Variants in LRIF1 observed in about 807,000 individuals in gnomAD.
The protein encoded by LRIF1 is ligand-dependent nuclear receptor-interacting factor 1.
LRIF1 carries 32 observed loss-of-function variants against 52.7 expected under a neutral mutation model. The ratio of observed to expected loss-of-function variants is 0.61; its 90% CI spans 0.46 to 0.82. LRIF1 has a LOEUF of 0.82. LRIF1 is among the 40% of genes least tolerant of loss of function. LRIF1 has a pLI of 0.00. For synonymous variants in LRIF1, 323 were observed against 317.4 expected (o/e 1.02, Z -0.19); for missense variants, 887 against 892.0 (o/e 0.99, Z 0.07).
At chr1:110,883,198 A>G in the LRIF1 span, among the ~76,000 whole-genome samples, 101 of 152,104 alleles carry the variant, frequency 6.6e-4, no homozygotes, top group Non-Finnish European at 1.3e-3. Context: ...TATGCCCTTC[A>G]TAAATGCCTT....
intron 1 of LRIF1, among the ~76,000 whole-genome samples, chr1:110,960,703 C>T (rs1026138360): frequency 6.6e-6 from 1 of 152,166 alleles, no homozygotes; most frequent in Non-Finnish European, 1.5e-5. Context: ...AGAAAACTGG[C>T]ATCATAATTG....
chr1:110,927,536 A>G, the LRIF1 span, among the ~76,000 whole-genome samples: 2 of 152,304 alleles, frequency 1.3e-5, no homozygotes, highest in East Asian at 1.9e-4. Context: ...TCTTTGTTAC[A>G]GAGCTAAACA....
At chr1:110,892,542 T>C in the LRIF1 span, 1 of 1,607,890 alleles carries the variant, frequency 6.2e-7, no homozygotes, top group Non-Finnish European at 8.5e-7. Context: ...CGGTGAGTCC[T>C]TACAGCAGAT....
the LRIF1 span, among the ~76,000 whole-genome samples, chr1:110,909,398 G>C: frequency 6.6e-6 from 1 of 151,952 alleles, no homozygotes; most frequent in African/African-American, 2.4e-5. Flanking sequence ...GAATGTAAAT[G>C]GGCTAAACAC....
chr1:110,897,076 A>G, the LRIF1 span, among the ~76,000 whole-genome samples: 1 of 152,236 alleles, frequency 6.6e-6, no homozygotes, highest in South Asian at 2.1e-4. Context: ...GGGTTGAGAT[A>G]GAAAAGTTTC....
chr1:110,959,305 G>A (rs1658850295), intron 1 of LRIF1, among the ~76,000 whole-genome samples: 3 of 152,124 alleles, frequency 2.0e-5, no homozygotes, highest in African/African-American at 7.2e-5. Flanking sequence ...TATCCTCTTT[G>A]AATCTGTTTC....
At chr1:110,931,802 C>T in the LRIF1 span, among the ~76,000 whole-genome samples, 1 of 152,164 alleles carries the variant, frequency 6.6e-6, no homozygotes, top group Non-Finnish European at 1.5e-5. Context: ...TGTGTCTGTT[C>T]ATATCCTTTG....
At chr1:110,884,762 C>CT in the LRIF1 span, among the ~76,000 whole-genome samples, 4 of 151,960 alleles carry the variant, frequency 2.6e-5, no homozygotes, top group Admixed American at 6.6e-5. Flanking sequence ...ACACTCCAGC[C>CT]TTTTTTTCCC....
chr1:110,940,305 GT>G, the LRIF1 span: 2 of 152,162 alleles, frequency 1.3e-5, no homozygotes, highest in African/African-American at 2.4e-5. Context: ...AGTTAAAATG[GT>G]TTTTATCCAA....
chr1:110,878,233 G>A, the LRIF1 span, among the ~76,000 whole-genome samples: 2 of 152,196 alleles, frequency 1.3e-5, no homozygotes, highest in African/African-American at 4.8e-5. Flanking sequence ...ATGTATCTCA[G>A]TTTGTTTGAG....
At chr1:110,896,767 T>C in the LRIF1 span, 6 of 1,570,558 alleles carry the variant, frequency 3.8e-6, no homozygotes, top group Non-Finnish European at 4.4e-6. Flanking sequence ...GTTATTGACC[T>C]CTTTGTTTAA....
intron 3 of LRIF1, among the ~76,000 whole-genome samples, chr1:110,949,249 G>C (rs1170910605): frequency 6.6e-6 from 1 of 151,706 alleles, no homozygotes; most frequent in East Asian, 1.9e-4. Context: ...TTCCCAAGTA[G>C]TTGGGACTAC....
At chr1:110,929,608 G>GT in the LRIF1 span, among the ~76,000 whole-genome samples, 42 of 152,158 alleles carry the variant, frequency 2.8e-4, no homozygotes, top group South Asian at 8.5e-3. Flanking sequence ...TTTTTAATGG[G>GT]TTTTTTTTCT....
At chr1:110,886,869 A>ATATATATATATATATATATATATATTTTT in the LRIF1 span, among the ~76,000 whole-genome samples, 2 of 82,796 alleles carry the variant, frequency 2.4e-5, no homozygotes, top group Non-Finnish European at 4.5e-5. Context: ...ATATATATAT[A>ATATATATATATATATATATATATATTTTT]TTTTTTTTTT....
chr1:110,916,080 C>A, the LRIF1 span, among the ~76,000 whole-genome samples: 2 of 151,966 alleles, frequency 1.3e-5, no homozygotes, highest in Non-Finnish European at 2.9e-5. Flanking sequence ...TTATCAAGAG[C>A]AGGTAAAGGA....
At chr1:110,887,475 T>C in the LRIF1 span, among the ~76,000 whole-genome samples, 33 of 152,350 alleles carry the variant, frequency 2.2e-4, no homozygotes, top group African/African-American at 7.9e-4. Context: ...CTTGCATGCC[T>C]GATATTTTGA....
chr1:110,953,756 A>T (rs955134425), intron 1 of LRIF1, among the ~76,000 whole-genome samples: 1 of 152,224 alleles, frequency 6.6e-6, no homozygotes, highest in African/African-American at 2.4e-5. Flanking sequence ...CATGTCACAC[A>T]TACTATCACT....
chr1:110,933,480 C>T, the LRIF1 span, among the ~76,000 whole-genome samples: 1,852 of 152,258 alleles, frequency 0.012, 41 homozygotes, highest in African/African-American at 0.042. Context: ...CCTCCCCAAA[C>T]CCCCCAACAG....
At chr1:110,959,537 G>A (rs890875118) in intron 1 of LRIF1, among the ~76,000 whole-genome samples, 1 of 151,798 alleles carries the variant, frequency 6.6e-6, no homozygotes, top group African/African-American at 2.4e-5. Flanking sequence ...GGATCATGAG[G>A]TCAAGAGATC....
Sources: gnomAD v4.1 joint callset for allele counts (sites outside exome capture counted in the v4.1 genomes callset) on GRCh38, gnomAD v4.1.1 for gene constraint, MANE v1.5 for transcripts, NCBI Gene and HGNC (gene_info 2026-07-23, HGNC 2026-07-21) for gene names.